SNX24: variants seen among roughly 807,000 people sequenced by gnomAD.
SNX24 encodes the protein sorting nexin 24, also known as sorting nexin-24.
Under a neutral mutation model 28.7 loss-of-function variants are expected in SNX24, and 22 were observed. The ratio of observed to expected loss-of-function variants is 0.77; its 90% confidence interval spans 0.55 to 1.10. The LOEUF is 1.10. SNX24 is among the 50% of genes least tolerant of loss of function. The pLI is 0.00. For missense variants in SNX24, 221 were observed against 201.1 expected (o/e 1.10, Z -0.60); for synonymous variants, 69 against 71.5 (o/e 0.96, Z 0.18).
intron 3 of SNX24, among the ~76,000 whole-genome samples, chr5:122,951,084 G>A (rs978860167): frequency 6.6e-6 from 1 of 151,760 alleles, no homozygotes; most frequent in Non-Finnish European, 1.5e-5. Context: ...TGGCTAACAC[G>A]GTGAAACCCC....
chr5:122,925,483 T>G (rs1758655634), intron 1 of SNX24, among the ~76,000 whole-genome samples: 2 of 151,778 alleles, frequency 1.3e-5, no homozygotes, highest in African/African-American at 2.4e-5. Flanking sequence ...CAGCTGGTCT[T>G]GAACTCCTGG....
At chr5:123,026,677 C>A (rs1236062333) in intron 5 of SNX24, among the ~76,000 whole-genome samples, 3 of 152,166 alleles carry the variant, frequency 2.0e-5, no homozygotes, top group African/African-American at 7.2e-5. Context: ...AGGATGATGA[C>A]AATTGGGAGC....
intron 1 of SNX24, among the ~76,000 whole-genome samples, chr5:122,909,413 T>C (rs1215265027): frequency 1.3e-5 from 2 of 152,222 alleles, no homozygotes; most frequent in Admixed American, 6.5e-5. Flanking sequence ...TCAAAGAGTT[T>C]AAAACCTTAC....
intron 3 of SNX24, among the ~76,000 whole-genome samples, chr5:122,982,859 C>G (rs1326403165): frequency 2.0e-5 from 3 of 151,792 alleles, no homozygotes; most frequent in Non-Finnish European, 2.9e-5. Context: ...CTTGTATTAT[C>G]TATAATGGAT....
rs368327630 is a variant in SNX24 at position 122,950,400 on chromosome 5, T to C, written c.249+4241T>C. Among the ~76,000 whole-genome samples, 16 of 152,234 alleles carry C rather than the reference T, an allele frequency of 1.1e-4. 2 individuals are homozygous for C. The highest frequency in any genetic ancestry group is 3.9e-4 in the East Asian group (2 of 5,180). On this transcript the variant is annotated intron_variant, in intron 3 of 6. Coordinates refer to ENST00000261369, the MANE Select transcript of SNX24 (RefSeq NM_014035.4). ...TTTGAGGCAGAAGGGTAGATCTAGCTTCAGAGATACCTTGAACCATAGCCC... is the reference window on the plus strand; with the variant it reads ...TTTGAGGCAGAAGGGTAGATCTAGCCTCAGAGATACCTTGAACCATAGCCC...
chr5:122,983,117 A>G (rs1241962634), intron 3 of SNX24: 1 of 151,754 alleles, frequency 6.6e-6, no homozygotes, highest in African/African-American at 2.4e-5. Context: ...TTTATTCTCA[A>G]TAGTTAAGTG....
At chr5:122,992,362 C>G (rs1282014334) in intron 3 of SNX24, among the ~76,000 whole-genome samples, 2 of 152,046 alleles carry the variant, frequency 1.3e-5, no homozygotes, top group Non-Finnish European at 2.9e-5. Context: ...TCAATGACTC[C>G]CAAGTCTACA....
At chr5:122,899,167 A>G (rs549662068) in intron 1 of SNX24, among the ~76,000 whole-genome samples, 2 of 152,184 alleles carry the variant, frequency 1.3e-5, no homozygotes, top group African/African-American at 2.4e-5. Context: ...TTTCACTCCT[A>G]TAGTCTTCAA....
chr5:123,025,070 A>G (rs1343820659), intron 5 of SNX24, among the ~76,000 whole-genome samples: 1 of 152,200 alleles, frequency 6.6e-6, no homozygotes, highest in East Asian at 1.9e-4. Context: ...TGTGAATGTG[A>G]CCTAGGTGTC....
chr5:123,011,149 A>G (rs1762569571), downstream of SNX24, among the ~76,000 whole-genome samples: 1 of 152,152 alleles, frequency 6.6e-6, no homozygotes, highest in Non-Finnish European at 1.5e-5. Flanking sequence ...CATTCAAACC[A>G]TGGATTCACA....
At chr5:122,904,252 G>T (rs1055570968) in intron 1 of SNX24, among the ~76,000 whole-genome samples, 1 of 151,500 alleles carries the variant, frequency 6.6e-6, no homozygotes, top group Non-Finnish European at 1.5e-5. Flanking sequence ...GCACAATCTC[G>T]GCTCGCCACG....
chr5:122,867,771 A>G (rs1755785993), intron 1 of SNX24, among the ~76,000 whole-genome samples: 1 of 152,152 alleles, frequency 6.6e-6, no homozygotes, highest in African/African-American at 2.4e-5. Flanking sequence ...TGAGACACAA[A>G]TACCTTCACA....
At chr5:122,922,614 G>C (rs1758486195) in intron 1 of SNX24, among the ~76,000 whole-genome samples, 1 of 151,840 alleles carries the variant, frequency 6.6e-6, no homozygotes, top group African/African-American at 2.4e-5. Flanking sequence ...GGCTATTCCT[G>C]GGTTCCGTGG....
intron 3 of SNX24, among the ~76,000 whole-genome samples, chr5:122,958,460 G>T (rs1760316593): frequency 6.6e-6 from 1 of 151,908 alleles, no homozygotes; most frequent in South Asian, 2.1e-4. Context: ...CACCATGTTG[G>T]CCAAGCTGGT....
At chr5:122,938,395 TATA>T (rs1759275223) in intron 2 of SNX24, among the ~76,000 whole-genome samples, 1 of 152,240 alleles carries the variant, frequency 6.6e-6, no homozygotes, top group Admixed American at 6.5e-5. Flanking sequence ...CTTATAATTA[TATA>T]ATGAGGTCTA....
chr5:122,861,430 A>T (rs917323772), intron 1 of SNX24, among the ~76,000 whole-genome samples: 1 of 152,232 alleles, frequency 6.6e-6, no homozygotes, highest in African/African-American at 2.4e-5. Flanking sequence ...AGGTCATTCC[A>T]TCATTCTACC....
At chr5:122,929,962 A>C (rs1758878132) in intron 1 of SNX24, among the ~76,000 whole-genome samples, 1 of 151,912 alleles carries the variant, frequency 6.6e-6, no homozygotes, top group Non-Finnish European at 1.5e-5. Context: ...TGAAAATAAC[A>C]TTTTCCCTTG....
intron 3 of SNX24, among the ~76,000 whole-genome samples, chr5:122,966,287 A>G (rs1295591800): frequency 2.0e-5 from 3 of 152,226 alleles, no homozygotes; most frequent in African/African-American, 7.2e-5. Context: ...TTATTATTAT[A>G]CTTTAAGTTC....
intron 3 of SNX24, chr5:122,948,585 G>C (rs560354472): frequency 6.6e-6 from 1 of 152,384 alleles, no homozygotes; most frequent in Admixed American, 6.5e-5. Flanking sequence ...AGCTCTTGAG[G>C]GGGTCAGAGA....
Sources: gnomAD v4.1 joint callset for allele counts (sites outside exome capture counted in the v4.1 genomes callset) on GRCh38, gnomAD v4.1.1 for gene constraint, MANE v1.5 for transcripts, NCBI Gene and HGNC (gene_info 2026-07-23, HGNC 2026-07-21) for gene names.